The following PNKD variants were observed in gnomAD, a reference collection of about 807,000 sequenced individuals.
The protein encoded by PNKD is probable thioesterase PNKD.
A neutral mutation model predicts 45.3 loss-of-function variants in PNKD; 36 were observed. The ratio of observed to expected loss-of-function variants is 0.80; its 90% CI spans 0.61 to 1.05. PNKD has a LOEUF of 1.05. Ranked by LOEUF, PNKD falls within the 50% of genes least tolerant of loss-of-function variation. The pLI is 0.00. For synonymous variants in PNKD, 197 were observed against 210.1 expected, an observed-to-expected ratio of 0.94 and a Z score of 0.54; for missense variants, 511 against 506.6, an observed-to-expected ratio of 1.01 and a Z score of -0.08.
At chr2:218,283,205 T>G (rs56411817) in intron 2 of PNKD, among the ~76,000 whole-genome samples, 7,011 of 152,042 alleles carry the variant, frequency 0.046, 250 homozygotes, top group Non-Finnish European at 0.068. Context: ...CAAACTGGAG[T>G]TGGAAGGGAC....
chr2:218,320,473 C>T lies in PNKD; in HGVS notation c.237-19310C>T, dbSNP rs149385646. 2.0e-3 allele frequency among the ~76,000 whole-genome samples: 308 copies of T among 152,234 alleles called. 1 individual carries two copies. The highest frequency in any genetic ancestry group is 6.7e-3 in the African/African-American group (278 of 41,540). ...GTCCCAACTACCGAGGAGGCTGAAGCGGGAGGATTGCTTGAACCCTGGAGT... is the reference window on the plus strand; with the variant it reads ...GTCCCAACTACCGAGGAGGCTGAAGTGGGAGGATTGCTTGAACCCTGGAGT... On this transcript the variant is annotated intron_variant, in intron 2 of 9. Coordinates refer to ENST00000273077, the MANE Select transcript of PNKD (RefSeq NM_015488.5).
At chr2:218,277,402 T>C (rs1245742872) in intron 2 of PNKD, 3 of 1,614,128 alleles carry the variant, frequency 1.9e-6, no homozygotes, top group Non-Finnish European at 2.5e-6. Flanking sequence ...CTGAAATGGA[T>C]ACCACCGCAG....
At chr2:218,302,157 G>C (rs147948829) in intron 2 of PNKD, among the ~76,000 whole-genome samples, 5,600 of 152,210 alleles carry the variant, frequency 0.037, 115 homozygotes, top group African/African-American at 0.048. Flanking sequence ...AGACCATCCT[G>C]GCTAACACGG....
chr2:218,303,352 G>A (rs138599095), intron 2 of PNKD, among the ~76,000 whole-genome samples: 1 of 152,226 alleles, frequency 6.6e-6, no homozygotes, highest in Non-Finnish European at 1.5e-5. Context: ...GTTTACAAAG[G>A]AAGCCATTGA....
chr2:218,345,709 A>T lies in PNKD; in HGVS notation c.*728A>T, dbSNP rs1245212174. ...TGGAGTCTGGAGTGTGGAGCCCCAC[A>T]GTCTTGCAGGTCACATGCTCTCCTT... On this transcript the variant is annotated 3_prime_UTR_variant, in exon 10 of 10. Transcript: ENST00000273077. 2 of 152,460 alleles carry T rather than the reference A, an allele frequency of 1.3e-5. No individual in the cohort carries two copies. Among genetic ancestry groups the T allele is most frequent in the Admixed American group, 1.3e-4 (2 of 15,274 alleles). The allele number at this position is 152,460 out of a possible 1,614,324, so 9.4% of individuals were successfully genotyped here. A position where few individuals can be genotyped will look rare whatever the true frequency, so the allele number is the denominator to read the frequency against.
At chr2:218,286,078 G>C (rs1357463756) in intron 2 of PNKD, 1 of 154,512 alleles carries the variant, frequency 6.5e-6, no homozygotes, top group African/African-American at 2.4e-5. Flanking sequence ...GTGAGGACTA[G>C]AAATCAGATC....
intron 2 of PNKD, among the ~76,000 whole-genome samples, chr2:218,319,885 G>C: frequency 1.3e-5 from 2 of 152,280 alleles, no homozygotes; most frequent in Non-Finnish European, 2.9e-5. Context: ...TCCACATGGA[G>C]GGGTTGGCGT....
At chr2:218,275,230 C>G in intron 2 of PNKD, 1 of 400,864 alleles carries the variant, frequency 2.5e-6, no homozygotes, top group Non-Finnish European at 4.4e-6. Context: ...GGGGAGAAGA[C>G]ACATCTTCAG....
In PNKD at chr2:218,315,038, T is replaced by TTCTTTCTTTCTC. The variant is rs57561214; in HGVS notation, c.237-24744_237-24743insCTTTCTTTCTCT. 1.0e-4 allele frequency among the ~76,000 whole-genome samples: 5 copies of TTCTTTCTTTCTC among 49,468 alleles called. 1 individual carries two copies. Among genetic ancestry groups the TTCTTTCTTTCTC allele is most frequent in the Non-Finnish European group, 2.8e-4 (5 of 17,628 alleles). 32.5% of individuals were successfully genotyped at this position (49,468 alleles called of 152,430 possible). Reference sequence around the variant, plus strand: ...TTTCTTTCTTTCTTTCTTTCTTTCTTTTTCTTTCTTTCTTTCTTTCTTCCT... The same window carrying TTCTTTCTTTCTC: ...TTTCTTTCTTTCTTTCTTTCTTTCTTTCTTTCTTTCTCTTTCTTTCTTTCTTTCTTTCTTCCT... On this transcript the variant is annotated intron_variant, in intron 2 of 9. Transcript: ENST00000273077.
intron 2 of PNKD, among the ~76,000 whole-genome samples, chr2:218,329,583 A>T (rs1418407977): frequency 6.6e-6 from 1 of 152,058 alleles, no homozygotes; most frequent in African/African-American, 2.4e-5. Context: ...TCCTCTGGAG[A>T]GGGCTGTGAA....
At position 218,271,564 on chromosome 2, in the gene PNKD, C is replaced by G. The variant is rs1267388404; in HGVS notation, c.236+15C>G. The G allele has an allele frequency of 3.7e-6, 6 of 1,610,926 alleles. No homozygotes were observed. Among genetic ancestry groups the G allele is most frequent in the African/African-American group, 1.3e-5 (1 of 74,994 alleles). On this transcript the variant is annotated intron_variant, in intron 2 of 9. Transcript: ENST00000273077. ...GGACTGGCCTGGTGAGTTTTAACCA[C>G]CCCTTTGCCCACCAACGGGGCGTGG...
At chr2:218,280,312 A>AG (rs764793349) in intron 2 of PNKD, 37 of 556,850 alleles carry the variant, frequency 6.6e-5, no homozygotes, top group Non-Finnish European at 1.0e-4. Context: ...GCCTGTCACG[A>AG]GGGGGCTTAG....
At chr2:218,272,805 A>C (rs926508828) in intron 2 of PNKD, 3 of 1,613,500 alleles carry the variant, frequency 1.9e-6, no homozygotes, top group Non-Finnish European at 2.5e-6. Context: ...TTAAGTCCTC[A>C]GGTTTGGCCC....
intron 2 of PNKD, among the ~76,000 whole-genome samples, chr2:218,331,435 A>G (rs1332523130): frequency 2.0e-5 from 3 of 151,608 alleles, no homozygotes; most frequent in Admixed American, 6.6e-5. Context: ...ACAAATATAC[A>G]GGATTGTTTT....
At chr2:218,277,409 G>T in intron 2 of PNKD, 2 of 1,614,166 alleles carry the variant, frequency 1.2e-6, no homozygotes, top group Non-Finnish European at 1.7e-6. Flanking sequence ...GGATACCACC[G>T]CAGTGATGAT....
chr2:218,282,525 T>C (rs1364081054), intron 2 of PNKD, among the ~76,000 whole-genome samples: 1 of 152,208 alleles, frequency 6.6e-6, no homozygotes, highest in Non-Finnish European at 1.5e-5. Flanking sequence ...GGTGGCTTGA[T>C]GGCAGAACCA....
chr2:218,334,807 T>TA (rs1694441381), intron 2 of PNKD: 1 of 695,960 alleles, frequency 1.4e-6, no homozygotes. Flanking sequence ...GCCAGGTTTC[T>TA]ATGGCCTTTA....
At position 218,344,520 on chromosome 2, in the gene PNKD, G is replaced by C; in HGVS notation, c.934G>C (p.Glu312Gln). 6.3e-7 allele frequency: 1 copy of C among 1,593,584 alleles called. No individual in the cohort carries two copies. The highest frequency in any genetic ancestry group is 8.5e-7 in the Non-Finnish European group (1 of 1,169,992). Reference protein sequence around the residue: ...GVVEPENLARERKMQWVQRQR... With the variant: ...GVVEPENLARQRKMQWVQRQR... ...GGTGGAGCCCGAGAACCTGGCCCGGGAGAGGAAGATGCAGTGGGTGCAGCG... is the reference window on the plus strand; with the variant it reads ...GGTGGAGCCCGAGAACCTGGCCCGGCAGAGGAAGATGCAGTGGGTGCAGCG... The change falls in exon 9 of 10, where the codon GAG becomes CAG. Residue 312 changes from glutamate to glutamine, a missense_variant. By Grantham distance (29) the Glu-to-Gln change is conservative (BLOSUM62 2). Coordinates refer to ENST00000273077, the MANE Select transcript of PNKD (RefSeq NM_015488.5).
intron 7 of PNKD, 97 bp downstream of exon 7, chr2:218,342,241 A>G (rs1404273118): frequency 8.9e-6 from 9 of 1,008,716 alleles, no homozygotes; most frequent in Non-Finnish European, 1.4e-5. Context: ...CCTTAGTTTT[A>G]GCACAGATGT....
Sources: gnomAD v4.1 joint callset for allele counts (sites outside exome capture counted in the v4.1 genomes callset) on GRCh38, gnomAD v4.1.1 for gene constraint, MANE v1.5 for transcripts, NCBI Gene and HGNC (gene_info 2026-07-23, HGNC 2026-07-21) for gene names.